Variants in PRMT3 observed in about 807,000 individuals in gnomAD.
PRMT3 encodes protein arginine methyltransferase 3.
A neutral mutation model predicts 71.9 loss-of-function variants in PRMT3; 62 were observed. The observed-to-expected ratio is 0.86, with a 90% CI of 0.70 to 1.07. PRMT3 has a LOEUF of 1.07. PRMT3 is among the 50% of genes least tolerant of loss of function. The pLI, the probability that PRMT3 is intolerant of heterozygous loss-of-function variation, is 0.00. For missense variants in PRMT3, 663 were observed against 643.0 expected, an observed-to-expected ratio of 1.03 and a Z score of -0.34; for synonymous variants, 213 against 220.4, an observed-to-expected ratio of 0.97 and a Z score of 0.30.
intron 9 of PRMT3, among the ~76,000 whole-genome samples, chr11:20,420,322 A>G (rs1473599921): frequency 6.6e-6 from 1 of 152,224 alleles, no homozygotes; most frequent in Non-Finnish European, 1.5e-5. Context: ...TATCCATTCA[A>G]TGTATCTATG....
chr11:20,508,555 A>C lies in PRMT3; in HGVS notation c.*142A>C, dbSNP rs573046484. The C allele has an allele frequency of 1.5e-5, 11 of 712,502 alleles. No homozygotes were observed. The highest frequency in any genetic ancestry group is 1.4e-4 in the East Asian group (5 of 36,836). The allele number at this position is 712,502 out of a possible 1,614,324, so 44.1% of individuals were successfully genotyped here. Reference sequence around the variant, plus strand: ...CCTCCTCAATAAGAGAGAAGTTCTCATTGTGGGAATCTGACATAGTTCAGC... The same window carrying C: ...CCTCCTCAATAAGAGAGAAGTTCTCCTTGTGGGAATCTGACATAGTTCAGC... On this transcript the variant is annotated 3_prime_UTR_variant, in exon 16 of 16. Coordinates refer to ENST00000331079, the MANE Select transcript of PRMT3 (RefSeq NM_005788.4).
intron 8 of PRMT3, chr11:20,406,266 A>G (rs1433445198): frequency 1.3e-5 from 2 of 152,224 alleles, no homozygotes; most frequent in African/African-American, 2.4e-5. Context: ...GTTATGCTGT[A>G]TTGTTTAGAA....
At chr11:20,484,805 GA>G (rs1283962459) in intron 13 of PRMT3, among the ~76,000 whole-genome samples, 8 of 152,256 alleles carry the variant, frequency 5.3e-5, no homozygotes, top group African/African-American at 1.9e-4. Flanking sequence ...ATAAAATGGA[GA>G]AACCCTTTTG....
chr11:20,404,646 A>G (rs1252879775), intron 8 of PRMT3, among the ~76,000 whole-genome samples: 1 of 152,144 alleles, frequency 6.6e-6, no homozygotes, highest in Admixed American at 6.5e-5. Flanking sequence ...GTTGCTTTAT[A>G]TTTCTAGTTG....
chr11:20,398,754 A>G (rs1418953645), intron 7 of PRMT3, among the ~76,000 whole-genome samples: 1 of 152,232 alleles, frequency 6.6e-6, no homozygotes, highest in Middle Eastern at 3.2e-3. Context: ...GTACAGTGAC[A>G]TGCTGTACAG....
chr11:20,487,038 T>C (rs779170188), intron 13 of PRMT3, among the ~76,000 whole-genome samples: 7 of 142,532 alleles, frequency 4.9e-5, no homozygotes, highest in African/African-American at 7.8e-5. Context: ...ACCTGGGCAA[T>C]AGAGTGAGAC....
At position 20,393,043 on chromosome 11, in the gene PRMT3, G is replaced by T. The variant is rs372310139; in HGVS notation, c.400+44G>T. 3.2e-6 allele frequency: 4 copies of T among 1,241,082 alleles called. No individual in the cohort carries two copies. In the East Asian group the frequency reaches 7.0e-5, roughly 22 times the overall value. The allele number at this position is 1,241,082 out of a possible 1,614,324, so 76.9% of individuals were successfully genotyped here. A position where few individuals can be genotyped will look rare whatever the true frequency, so the allele number is the denominator to read the frequency against. Reference sequence around the variant, plus strand: ...TATCTCCTTTAATTAACATAAGGCCGTTTGTTAACGGCAAAATGGAGGTAG... The same window carrying T: ...TATCTCCTTTAATTAACATAAGGCCTTTTGTTAACGGCAAAATGGAGGTAG... On this transcript the variant is annotated intron_variant, in intron 5 of 15. Transcript: ENST00000331079.
intron 13 of PRMT3, among the ~76,000 whole-genome samples, chr11:20,473,188 A>ATTCT (rs2133419913): frequency 6.6e-6 from 1 of 151,806 alleles, no homozygotes; most frequent in African/African-American, 2.4e-5. Context: ...CAGCTCCTGG[A>ATTCT]TTCTTTGATG....
chr11:20,468,880 C>A (rs1043814054), intron 13 of PRMT3, among the ~76,000 whole-genome samples: 9 of 152,168 alleles, frequency 5.9e-5, no homozygotes, highest in African/African-American at 2.2e-4. Context: ...TCTTCTCCAC[C>A]ACCAAATACA....
chr11:20,422,295 T>C (rs1683441858), intron 9 of PRMT3, among the ~76,000 whole-genome samples: 1 of 152,218 alleles, frequency 6.6e-6, no homozygotes, highest in South Asian at 2.1e-4. Context: ...TTTCTTTTTT[T>C]TTTACTGAAT....
At chr11:20,394,007 G>C (rs947359438) in intron 5 of PRMT3, among the ~76,000 whole-genome samples, 2 of 152,296 alleles carry the variant, frequency 1.3e-5, no homozygotes, top group East Asian at 3.9e-4. Context: ...TGAGAAGTTA[G>C]TGACACCCTG....
At chr11:20,405,472 A>G (rs1849049325) in intron 8 of PRMT3, 1 of 152,168 alleles carries the variant, frequency 6.6e-6, no homozygotes, top group Non-Finnish European at 1.5e-5. Context: ...ACATACAATT[A>G]AAAATATAGG....
At chr11:20,397,469 A>T in intron 6 of PRMT3, 108 bp from the exon 7 acceptor site, 1 of 1,041,438 alleles carries the variant, frequency 9.6e-7, no homozygotes, top group East Asian at 2.4e-5. Context: ...GATTTAGAAG[A>T]CTCATCACAC....
At chr11:20,477,947 A>G (rs542227536) in intron 13 of PRMT3, among the ~76,000 whole-genome samples, 13 of 152,272 alleles carry the variant, frequency 8.5e-5, no homozygotes, top group African/African-American at 2.6e-4. Context: ...CTAGTGTACC[A>G]GTGCACTGGG....
At chr11:20,494,369 C>G (rs1424281267) in intron 15 of PRMT3, 115 bp downstream of exon 15, 2 of 896,102 alleles carry the variant, frequency 2.2e-6, no homozygotes, top group African/African-American at 1.7e-5. Context: ...GACGGAGTCT[C>G]GCTGTCTCAC....
chr11:20,491,425 G>T (rs1851203764), intron 13 of PRMT3, among the ~76,000 whole-genome samples: 1 of 152,148 alleles, frequency 6.6e-6, no homozygotes, highest in South Asian at 2.1e-4. Context: ...GCTATGTTGT[G>T]TAAACTGTGT....
chr11:20,465,284 T>C (rs1178300835), intron 13 of PRMT3, among the ~76,000 whole-genome samples: 2 of 152,070 alleles, frequency 1.3e-5, no homozygotes, highest in Non-Finnish European at 1.5e-5. Context: ...TAACATTTAC[T>C]GCTGTCAGGA....
intron 8 of PRMT3, among the ~76,000 whole-genome samples, chr11:20,404,891 A>G (rs533438159): frequency 2.0e-5 from 3 of 152,264 alleles, no homozygotes; most frequent in South Asian, 2.1e-4. Context: ...TCTTCTCTTA[A>G]TACTTGGTGA....
chr11:20,464,524 T>C lies in PRMT3; in HGVS notation c.1325T>C (p.Ile442Thr). 6.2e-7 allele frequency: 1 copy of C among 1,612,440 alleles called. No homozygotes were observed. The highest frequency in any genetic ancestry group is 8.5e-7 in the Non-Finnish European group (1 of 1,179,222). ...LEFSSDFTLK[I>T]TRTSMCTAIA... is the part of the protein sequence containing the mutation. ...TTTTCATCAGATTTTACCCTGAAAA[T>C]CACAAGGACATCCATGTGCACGGTA... Residue 442 changes from isoleucine to threonine, a missense_variant, in exon 13 of 16, where the codon ATC (isoleucine) becomes ACC (threonine). By Grantham distance (89) the Ile-to-Thr change is moderately conservative. Coordinates refer to ENST00000331079, the MANE Select transcript of PRMT3 (RefSeq NM_005788.4).
Sources: allele counts gnomAD v4.1 joint callset (sites outside exome capture counted in the v4.1 genomes callset), GRCh38; gene constraint gnomAD v4.1.1; transcripts MANE v1.5; gene names NCBI Gene and HGNC (gene_info 2026-07-23, HGNC 2026-07-21).